Variants in ATXN7L1 observed in about 807,000 individuals in gnomAD.
ATXN7L1 encodes ataxin-7-like protein 1.
ATXN7L1 carries 15 observed loss-of-function variants against 70.8 expected under a neutral mutation model. The ratio of observed to expected loss-of-function variants is 0.21; its 90% CI spans 0.14 to 0.33. The LOEUF (loss-of-function observed/expected upper bound fraction) is 0.33. Ranked by LOEUF, ATXN7L1 falls within the 10% of genes least tolerant of loss-of-function variation. The probability of loss-of-function intolerance (pLI) is 1.00; values close to 1 mark genes in which losing one functional copy is unlikely to be tolerated. For missense variants in ATXN7L1, 975 were observed against 1,097.1 expected (o/e 0.89, Z 1.57); for synonymous variants, 440 against 445.1 (o/e 0.99, Z 0.14).
chr7:105,727,777 T>TATATATATATATATATATACAC (rs1462125950), intron 3 of ATXN7L1, among the ~76,000 whole-genome samples: 14 of 90,184 alleles, frequency 1.6e-4, no homozygotes, highest in South Asian at 3.9e-4. Context: ...TATATATATA[T>TATATATATATATATATATACAC]ACACACACAT....
At chr7:105,760,654 T>G in intron 3 of ATXN7L1, 5 of 720,322 alleles carry the variant, frequency 6.9e-6, no homozygotes, top group Non-Finnish European at 8.5e-6. Context: ...AACATTTCTG[T>G]TCACACAAGA....
At chr7:105,708,458 A>G (rs188679099) in intron 3 of ATXN7L1, among the ~76,000 whole-genome samples, 7 of 152,350 alleles carry the variant, frequency 4.6e-5, no homozygotes, top group East Asian at 1.9e-4. Context: ...GAAGACAAAT[A>G]TAAGTCAGAT....
intron 2 of ATXN7L1, among the ~76,000 whole-genome samples, chr7:105,803,887 T>C (rs1000354970): frequency 6.6e-6 from 1 of 152,148 alleles, no homozygotes; most frequent in African/African-American, 2.4e-5. Flanking sequence ...TCTCCAGTGA[T>C]CAGAGATGGG....
At chr7:105,742,289 C>A (rs566541662) in intron 3 of ATXN7L1, among the ~76,000 whole-genome samples, 2 of 152,348 alleles carry the variant, frequency 1.3e-5, no homozygotes, top group Admixed American at 1.3e-4. Flanking sequence ...AGACTACCAG[C>A]CTTTTTGTTG....
At chr7:105,826,335 G>A (rs2116576323) in intron 2 of ATXN7L1, among the ~76,000 whole-genome samples, 1 of 152,290 alleles carries the variant, frequency 6.6e-6, no homozygotes, top group East Asian at 1.9e-4. Flanking sequence ...TTTGATCTCA[G>A]GTCTCAGTTG....
At chr7:105,736,640 T>C (rs1017861422) in intron 3 of ATXN7L1, among the ~76,000 whole-genome samples, 1 of 152,206 alleles carries the variant, frequency 6.6e-6, no homozygotes, top group African/African-American at 2.4e-5. Context: ...ATGGGACAGA[T>C]TGGAGCTGTA....
chr7:105,810,299 A>G (rs1808247574), intron 2 of ATXN7L1, among the ~76,000 whole-genome samples: 2 of 152,216 alleles, frequency 1.3e-5, no homozygotes. Flanking sequence ...ACCTGGGCCC[A>G]GTCCTGGCTC....
chr7:105,758,812 G>GT (rs1319615983), intron 3 of ATXN7L1, among the ~76,000 whole-genome samples: 1 of 152,212 alleles, frequency 6.6e-6, no homozygotes. Context: ...CAAACGAAGT[G>GT]TATCAGTTCA....
intron 4 of ATXN7L1, among the ~76,000 whole-genome samples, chr7:105,661,957 A>G (rs1253816980): frequency 6.6e-6 from 1 of 151,562 alleles, no homozygotes; most frequent in Non-Finnish European, 1.5e-5. Flanking sequence ...CTCTCCTTAC[A>G]AATCTCTTGG....
chr7:105,835,504 T>G (rs961894679), intron 2 of ATXN7L1, among the ~76,000 whole-genome samples: 2 of 151,426 alleles, frequency 1.3e-5, no homozygotes, highest in South Asian at 4.2e-4. Flanking sequence ...GGGGCCCAAG[T>G]TGGTGGGTTG....
At chr7:105,666,920 C>A (rs539651419) in intron 3 of ATXN7L1, among the ~76,000 whole-genome samples, 1 of 152,178 alleles carries the variant, frequency 6.6e-6, no homozygotes, top group South Asian at 2.1e-4. Context: ...ACCACTTAAA[C>A]TTCCTTGGTT....
chr7:105,795,155 G>A (rs909391183), intron 2 of ATXN7L1, among the ~76,000 whole-genome samples: 4 of 152,204 alleles, frequency 2.6e-5, no homozygotes, highest in Non-Finnish European at 5.9e-5. Flanking sequence ...CAGTTGTGAC[G>A]TAAGGAGACA....
At chr7:105,675,601 G>A (rs940603620) in intron 3 of ATXN7L1, among the ~76,000 whole-genome samples, 6 of 151,910 alleles carry the variant, frequency 3.9e-5, no homozygotes, top group Admixed American at 2.0e-4. Context: ...CTCTAGCCTG[G>A]TGACAGAATG....
Position 105,653,898 on chromosome 7 carries a change from A to G in ATXN7L1, c.579-10777T>C, listed in dbSNP as rs531255974. ...CCATTCTCCAGGTGAACACTCCCCC[A>G]TCTGTCCAGATCCGGAGGAAACATC... On this transcript the variant is annotated intron_variant, in intron 4 of 11. Coordinates refer to ENST00000419735, the MANE Select transcript of ATXN7L1 (RefSeq NM_020725.2). 3.9e-4 allele frequency among the ~76,000 whole-genome samples: 60 copies of G among 151,960 alleles called. No homozygotes were observed. In the South Asian group the frequency reaches 0.012, roughly 30 times the overall value.
intron 2 of ATXN7L1, among the ~76,000 whole-genome samples, chr7:105,848,965 A>T (rs1392951010): frequency 1.3e-5 from 2 of 152,086 alleles, no homozygotes; most frequent in Admixed American, 6.6e-5. Flanking sequence ...GTCTGCCACT[A>T]GCTATCACCC....
chr7:105,675,231 T>A (rs1385516947), intron 3 of ATXN7L1, among the ~76,000 whole-genome samples: 1 of 152,148 alleles, frequency 6.6e-6, no homozygotes, highest in Admixed American at 6.5e-5. Context: ...AAGAGAGTTA[T>A]CTCAACCTAA....
chr7:105,750,782 G>A (rs1027025360), intron 3 of ATXN7L1, among the ~76,000 whole-genome samples: 5 of 151,998 alleles, frequency 3.3e-5, no homozygotes, highest in Admixed American at 6.6e-5. Context: ...CAGCCTGGGC[G>A]ACAGAGTAAG....
intron 11 of ATXN7L1, among the ~76,000 whole-genome samples, chr7:105,609,291 T>C (rs958884054): frequency 2.0e-5 from 3 of 150,104 alleles, no homozygotes; most frequent in African/African-American, 7.4e-5. Flanking sequence ...TGCCTCAGCC[T>C]CCTGAGTAGC....
chr7:105,684,740 C>G (rs1465405786), intron 3 of ATXN7L1, among the ~76,000 whole-genome samples: 1 of 152,222 alleles, frequency 6.6e-6, no homozygotes, highest in Non-Finnish European at 1.5e-5. Flanking sequence ...TCCAAGTGCT[C>G]ATACACAACG....
Sources: gnomAD v4.1 joint callset for allele counts (sites outside exome capture counted in the v4.1 genomes callset) on GRCh38, gnomAD v4.1.1 for gene constraint, MANE v1.5 for transcripts, NCBI Gene and HGNC (gene_info 2026-07-23, HGNC 2026-07-21) for gene names.